RAB44: variants seen among roughly 807,000 people sequenced by gnomAD.
RAB44 encodes ras-related protein Rab-44.
In RAB44, 67 loss-of-function variants were observed where a neutral mutation model predicts 93.3. That is an observed-to-expected ratio of 0.72 (90% CI 0.59 to 0.88). The LOEUF is 0.88. Among genes scored for constraint, RAB44 ranks in the 40% least tolerant of loss-of-function variants. RAB44 has a pLI of 0.00. For synonymous variants in RAB44, 427 were observed against 520.3 expected (o/e 0.82, Z 2.44); for missense variants, 1,064 against 1,261.7 (o/e 0.84, Z 2.37).
intron 9 of RAB44, 165 bp from the exon 10 acceptor site, chr6:36,725,697 T>C: frequency 3.4e-6 from 2 of 595,144 alleles, no homozygotes; most frequent in South Asian, 3.9e-5. Flanking sequence ...TTGGAGGAAG[T>C]GGGTCCTCGA....
At chr6:36,700,307 A>T (rs1449542762) in intron 1 of RAB44, among the ~76,000 whole-genome samples, 1 of 152,246 alleles carries the variant, frequency 6.6e-6, no homozygotes, top group Non-Finnish European at 1.5e-5. Context: ...TGGGAGAAGC[A>T]GAGGTCTGTC....
chr6:36,731,112 G>A lies in RAB44; in HGVS notation c.2975+363G>A, dbSNP rs2150343567. On this transcript the variant is annotated intron_variant, in intron 13 of 13. Coordinates refer to ENST00000612677, the MANE Select transcript of RAB44 (RefSeq NM_001257357.2). This position sits in a 1 kb window ranked among gnomAD's most constrained non-coding sequence, Gnocchi z 4.0. Reference sequence around the variant, plus strand: ...TCCAAATGCTTTGCAATGGCCTGCAGCATCTCTAGTGCCATCTCCCCCACC... The same window carrying A: ...TCCAAATGCTTTGCAATGGCCTGCAACATCTCTAGTGCCATCTCCCCCACC... 6.6e-6 allele frequency among the ~76,000 whole-genome samples: 1 copy of A among 151,880 alleles called. No homozygotes were observed. The highest frequency in any genetic ancestry group is 6.6e-5 in the Admixed American group (1 of 15,224).
chr6:36,698,885 C>G (rs887358157), intron 1 of RAB44, among the ~76,000 whole-genome samples: 1 of 152,070 alleles, frequency 6.6e-6, no homozygotes, highest in Non-Finnish European at 1.5e-5. Context: ...CACGTTTGCA[C>G]GTGTACATTT....
chr6:36,698,268 C>T (rs535065505), intron 1 of RAB44, among the ~76,000 whole-genome samples: 10 of 152,280 alleles, frequency 6.6e-5, no homozygotes, highest in South Asian at 4.1e-4. Context: ...TGGGGTTTAG[C>T]GACTGTGGCT....
intron 12 of RAB44, 88 bp downstream of exon 12, chr6:36,728,889 G>T: frequency 9.0e-7 from 1 of 1,116,662 alleles, no homozygotes; most frequent in Non-Finnish European, 1.3e-6. Context: ...CCTGACCTGG[G>T]CAGCCGAGAA....
rs1763378986 is a variant in RAB44 at position 36,732,211 on chromosome 6, C to T, written c.*118C>T. 1 of 556,866 alleles carries T rather than the reference C, an allele frequency of 1.8e-6. No individual in the cohort carries two copies. The highest frequency in any genetic ancestry group is 2.7e-6 in the Non-Finnish European group (1 of 371,206). 34.5% of individuals were successfully genotyped at this position (556,866 alleles called of 1,614,324 possible). A position where few individuals can be genotyped will look rare whatever the true frequency, so the allele number is the denominator to read the frequency against. On this transcript the variant is annotated 3_prime_UTR_variant, in exon 14 of 14. Transcript: ENST00000612677. ...ACCAGCTTGGAGGTTCAGGAAAACCCTTCTCAACTCAGGACTCGGATCCCA... is the reference window on the plus strand; with the variant it reads ...ACCAGCTTGGAGGTTCAGGAAAACCTTTCTCAACTCAGGACTCGGATCCCA...
chr6:36,702,315 AGAGAGAGAGAGAGAGAGAGAGAG>A lies in RAB44; in HGVS notation c.-12-1908_-12-1886del, dbSNP rs1582605885. Among the ~76,000 whole-genome samples, 5 of 111,552 alleles carry A rather than the reference AGAGAGAGAGAGAGAGAGAGAGAG, an allele frequency of 4.5e-5. No individual in the cohort carries two copies. In the South Asian group the frequency reaches 1.2e-3, roughly 26 times the overall value. The allele number at this position is 111,552 out of a possible 152,430, so 73.2% of individuals were successfully genotyped here. On this transcript the variant is annotated intron_variant, in intron 1 of 13. Transcript: ENST00000612677. ...GGGGGAGAGAGAGAGAGAGAGAGAG[AGAGAGAGAGAGAGAGAGAGAGAG>A]AATGTACTTCTGTTTGAAGTTTGGG...
intron 11 of RAB44, 37 bp from the exon 12 acceptor site, chr6:36,728,663 C>T (rs962219009): frequency 3.3e-5 from 51 of 1,523,924 alleles, no homozygotes; most frequent in Middle Eastern, 1.7e-4. Flanking sequence ...GCCTGGCACA[C>T]AGTGGGTGTG....
intron 2 of RAB44, among the ~76,000 whole-genome samples, chr6:36,709,381 C>G (rs1044932016): frequency 1.3e-5 from 2 of 152,242 alleles, no homozygotes; most frequent in East Asian, 3.8e-4. Context: ...AGTAAACTTT[C>G]TACGACATTC....
intron 2 of RAB44, among the ~76,000 whole-genome samples, chr6:36,711,640 T>A (rs940118307): frequency 3.3e-5 from 5 of 152,220 alleles, no homozygotes; most frequent in Admixed American, 3.3e-4. Context: ...TATAATCACT[T>A]ATTTGTCTCT....
At chr6:36,710,506 G>A (rs1762757294) in intron 2 of RAB44, among the ~76,000 whole-genome samples, 1 of 151,968 alleles carries the variant, frequency 6.6e-6, no homozygotes, top group South Asian at 2.1e-4. Flanking sequence ...ATGAATATGG[G>A]CATACAAATA....
intron 1 of RAB44, among the ~76,000 whole-genome samples, chr6:36,703,427 G>A (rs1429415805): frequency 6.6e-6 from 1 of 152,202 alleles, no homozygotes; most frequent in African/African-American, 2.4e-5. Flanking sequence ...CTTCTTGGAG[G>A]AGGCAGCCTG....
In RAB44 at chr6:36,720,382, A is replaced by G; in HGVS notation, c.848A>G (p.His283Arg). The change falls in exon 8 of 14, where the codon CAC (histidine) becomes CGC (arginine). Residue 283 changes from histidine to arginine, a missense_variant. Transcript: ENST00000612677. ...CTGCAGCTGGAGGCCCAGCTCTCCC[A>G]CCTCAGGAGCACACATCAGGAGGCT... ...GQRELEAQLS[H>R]LRSTHQEAAS... 8.1e-7 allele frequency: 1 copy of G among 1,232,186 alleles called. No homozygotes were observed. The highest frequency in any genetic ancestry group is 1.0e-6 in the Non-Finnish European group (1 of 988,040). The allele number at this position is 1,232,186 out of a possible 1,614,324, so 76.3% of individuals were successfully genotyped here.
chr6:36,711,444 A>G (rs756989250), intron 2 of RAB44, among the ~76,000 whole-genome samples: 25 of 152,358 alleles, frequency 1.6e-4, no homozygotes, highest in Non-Finnish European at 3.1e-4. Flanking sequence ...TAGCTATTAT[A>G]TGTGTTTTAT....
At chr6:36,720,883 G>A (rs1466416790) in intron 8 of RAB44, among the ~76,000 whole-genome samples, 1 of 152,208 alleles carries the variant, frequency 6.6e-6, no homozygotes, top group East Asian at 1.9e-4. Context: ...CACTCTACTT[G>A]TTATAGCTCA....
chr6:36,718,034 C>G lies in RAB44; in HGVS notation c.648C>G (p.Asp216Glu). Reference sequence around the variant, plus strand: ...CAACTCCTGCTCCTCCCAGGCGTGACTCTGACCACCACCGCGAGGTCCAGC... The same window carrying G: ...CAACTCCTGCTCCTCCCAGGCGTGAGTCTGACCACCACCGCGAGGTCCAGC... ...EALELTLRKRDSDHHREVQQL... is the reference protein window; with the variant it reads ...EALELTLRKRESDHHREVQQL... Residue 216 changes from aspartate (D) to glutamate (E), a missense_variant, in exon 6 of 14, where the codon GAC becomes GAG. Coordinates refer to ENST00000612677, the MANE Select transcript of RAB44 (RefSeq NM_001257357.2). The G allele has an allele frequency of 8.1e-7, 1 of 1,232,154 alleles. No individual in the cohort carries two copies. The highest frequency in any genetic ancestry group is 4.1e-5 in the South Asian group (1 of 24,310). The allele number at this position is 1,232,154 out of a possible 1,614,324, so 76.3% of individuals were successfully genotyped here.
chr6:36,715,102 A>AATATATATATATATATATATATAT (rs3046039), intron 3 of RAB44, among the ~76,000 whole-genome samples: 95 of 148,256 alleles, frequency 6.4e-4, no homozygotes, highest in African/African-American at 2.3e-3. Context: ...GTTGGCTTAA[A>AATATATATATATATATATATATAT]ATATATATAT....
chr6:36,732,425 G>GGT lies in RAB44; in HGVS notation c.*333_*334insTG, dbSNP rs33920760. The stretch of plus-strand genomic sequence containing the variant: ...TAAAATTTTAGGGAGAATGTGGGGG[G>GGT]GGGGTGTTACTTTCCATTTTACACA... On this transcript the variant is annotated 3_prime_UTR_variant, in exon 14 of 14. Coordinates refer to ENST00000612677, the MANE Select transcript of RAB44 (RefSeq NM_001257357.2). 20 of 160,800 alleles carry GGT rather than the reference G, an allele frequency of 1.2e-4. No homozygotes were observed. Among genetic ancestry groups the GGT allele is most frequent in the Non-Finnish European group, 1.7e-4 (13 of 74,934 alleles). The allele number at this position is 160,800 out of a possible 1,614,324, so 10.0% of individuals were successfully genotyped here.
rs573939095 is a variant in RAB44, at chr6:36,720,506, C to T, written c.972C>T (p.Asp324=). ...TGCAGGTGACCAGGGGGCGCCTGGA[C>T]GCCGCCAGGGGCCGGGTGTCCTGGC... ...GQLQVTRGRL[D]AARGRVSWQV... is the part of the protein sequence containing the mutation. Residue 324 remains aspartate, a synonymous_variant, in exon 8 of 14, where the codon GAC becomes GAT. Coordinates refer to ENST00000612677, the MANE Select transcript of RAB44 (RefSeq NM_001257357.2). 1.0e-4 allele frequency: 127 copies of T among 1,233,502 alleles called. No individual in the cohort carries two copies. Among genetic ancestry groups the T allele is most frequent in the Admixed American group, 2.5e-4 (6 of 23,730 alleles). The allele number at this position is 1,233,502 out of a possible 1,614,324, so 76.4% of individuals were successfully genotyped here. A position where few individuals can be genotyped will look rare whatever the true frequency, so the allele number is the denominator to read the frequency against.
Sources: allele counts gnomAD v4.1 joint callset (sites outside exome capture counted in the v4.1 genomes callset), GRCh38; gene constraint gnomAD v4.1.1; non-coding constraint Gnocchi (gnomAD v3.1); transcripts MANE v1.5; gene names NCBI Gene and HGNC (gene_info 2026-07-23, HGNC 2026-07-21).